SPINK5: variants seen among roughly 807,000 people sequenced by gnomAD.
SPINK5 encodes serine protease inhibitor Kazal-type 5.
SPINK5 carries 125 observed loss-of-function variants against 151.8 expected under a neutral mutation model. The observed-to-expected ratio is 0.82, with a 90% confidence interval of 0.71 to 0.96. The LOEUF (loss-of-function observed/expected upper bound fraction) is 0.96. Among genes scored for constraint, SPINK5 ranks in the 40% least tolerant of loss-of-function variants. SPINK5 has a pLI of 0.00. For synonymous variants in SPINK5, 374 were observed against 395.3 expected (o/e 0.95, Z 0.64); for missense variants, 1,194 against 1,291.9 (o/e 0.92, Z 1.16).
intron 30 of SPINK5, among the ~76,000 whole-genome samples, chr5:148,129,010 G>A (rs1283230224): frequency 6.6e-6 from 1 of 151,936 alleles, no homozygotes; most frequent in Admixed American, 6.6e-5. Flanking sequence ...GGAGGGGAGG[G>A]GATACAATTT....
intron 11 of SPINK5, among the ~76,000 whole-genome samples, chr5:148,098,496 T>C (rs1753536907): frequency 6.6e-6 from 1 of 152,130 alleles, no homozygotes; most frequent in Non-Finnish European, 1.5e-5. Flanking sequence ...TTTATTTGGC[T>C]GAGCTCAAAT....
At chr5:148,095,754 C>G in intron 9 of SPINK5, 64 bp from the exon 10 acceptor site, 1 of 1,379,630 alleles carries the variant, frequency 7.2e-7, no homozygotes, top group Non-Finnish European at 1.0e-6. Flanking sequence ...CCATCTATAC[C>G]TAATGACTGT....
chr5:148,119,498 T>C (rs576925514), intron 24 of SPINK5, among the ~76,000 whole-genome samples: 2 of 152,312 alleles, frequency 1.3e-5, no homozygotes, highest in African/African-American at 2.4e-5. Flanking sequence ...ATGGTCTGAT[T>C]GTGATAAAAC....
Position 148,107,180 on chromosome 5 carries a change from A to T in SPINK5, c.1607+16A>T. The T allele has an allele frequency of 6.2e-7, 1 of 1,609,654 alleles. No homozygotes were observed. The highest frequency in any genetic ancestry group is 8.5e-7 in the Non-Finnish European group (1 of 1,177,312). On this transcript the variant is annotated intron_variant, in intron 17 of 32. Coordinates refer to ENST00000256084, the MANE Select transcript of SPINK5 (RefSeq NM_006846.4). ...CCAGTGTGTTGTGAGTGTCCACCCC[A>T]TCTCTCCCACTGAATTTCTTCATCC...
At chr5:148,085,166 A>G (rs1015365008) in intron 4 of SPINK5, among the ~76,000 whole-genome samples, 1 of 151,748 alleles carries the variant, frequency 6.6e-6, no homozygotes, top group African/African-American at 2.4e-5. Flanking sequence ...TGAATAGTGG[A>G]GTATGTTCTT....
rs773543821 is a variant in SPINK5, at chr5:148,123,945, T to C, written c.2651T>C (p.Met884Thr). The C allele has an allele frequency of 1.2e-5, 20 of 1,613,944 alleles. No individual in the cohort carries two copies. The highest frequency in any genetic ancestry group is 1.1e-4 in the East Asian group (5 of 44,880). The stretch of plus-strand genomic sequence containing the variant: ...AAGATGCACATCAATAAATGTGCTA[T>C]GTGTCAGAGCATCTTGTACGTAAAA... Reference protein sequence around the residue: ...YGKMHINKCAMCQSIFDREAN... With the variant: ...YGKMHINKCATCQSIFDREAN... Residue 884 changes from methionine to threonine, a missense_variant, in exon 27 of 33, where the codon ATG becomes ACG. Met to Thr is a moderately conservative substitution (Grantham distance 81, BLOSUM62 -1). Coordinates refer to ENST00000256084, the MANE Select transcript of SPINK5 (RefSeq NM_006846.4).
Position 148,085,669 on chromosome 5 carries a change from G to T in SPINK5, c.283-736G>T, listed in dbSNP as rs540809875. ...TACATTTGTTTTTCTTTACCATCAG[G>T]TTTGTTCCTAAGTGTATGTCACATT... On this transcript the variant is annotated intron_variant, in intron 4 of 32. Coordinates refer to ENST00000256084, the MANE Select transcript of SPINK5 (RefSeq NM_006846.4). 7.9e-5 allele frequency among the ~76,000 whole-genome samples: 12 copies of T among 151,884 alleles called. No individual in the cohort carries two copies. The South Asian group carries it at 2.1e-3, about 26-fold the overall frequency.
chr5:148,065,925 A>C (rs1296568086), intron 2 of SPINK5, among the ~76,000 whole-genome samples: 2 of 152,212 alleles, frequency 1.3e-5, no homozygotes, highest in African/African-American at 2.4e-5. Context: ...GTAGGAAAAC[A>C]GACAAATTAA....
intron 5 of SPINK5, among the ~76,000 whole-genome samples, chr5:148,086,977 CAT>C (rs1753175821): frequency 1.3e-5 from 2 of 150,422 alleles, no homozygotes; most frequent in Admixed American, 1.3e-4. Context: ...TATTTACACA[CAT>C]ACATACATAT....
At chr5:148,076,453 T>C (rs1752883355) in intron 4 of SPINK5, among the ~76,000 whole-genome samples, 1 of 151,822 alleles carries the variant, frequency 6.6e-6, no homozygotes, top group African/African-American at 2.4e-5. Flanking sequence ...TGAGTACCTA[T>C]ATTATCTAAA....
intron 26 of SPINK5, among the ~76,000 whole-genome samples, chr5:148,121,289 G>T (rs1380398529): frequency 6.6e-6 from 1 of 151,136 alleles, no homozygotes; most frequent in Non-Finnish European, 1.5e-5. Flanking sequence ...ACACCAACAC[G>T]TAGAATATTA....
chr5:148,107,081 TA>T lies in SPINK5; in HGVS notation c.1525del (p.Ile509TyrfsTer66), dbSNP rs1753801674. ...FRDQVRNGTL[I>X]CTREHNPVRG... The stretch of plus-strand genomic sequence containing the variant: ...GGGACCAAGTGAGGAATGGAACACT[TA>T]TATGCACCAGGGAGCATAATCCTGT... On this transcript the variant is annotated frameshift_variant, in exon 17 of 33. Coordinates refer to ENST00000256084, the MANE Select transcript of SPINK5 (RefSeq NM_006846.4). LOFTEE classifies it high-confidence loss of function. 6.2e-7 allele frequency: 1 copy of T among 1,613,180 alleles called. No homozygotes were observed. Among genetic ancestry groups the T allele is most frequent in the Non-Finnish European group, 8.5e-7 (1 of 1,179,488 alleles).
At chr5:148,115,585 A>C (rs1754064489) in intron 21 of SPINK5, among the ~76,000 whole-genome samples, 1 of 152,104 alleles carries the variant, frequency 6.6e-6, no homozygotes, top group Non-Finnish European at 1.5e-5. Flanking sequence ...GATGCTGTGA[A>C]GGTGAAGTCA....
At chr5:148,078,526 C>T (rs1191340684) in intron 4 of SPINK5, among the ~76,000 whole-genome samples, 1 of 150,764 alleles carries the variant, frequency 6.6e-6, no homozygotes, top group Non-Finnish European at 1.5e-5. Context: ...TCAGGATACA[C>T]TATATACTAA....
chr5:148,068,682 G>T (rs1183676834), intron 2 of SPINK5, among the ~76,000 whole-genome samples: 1 of 151,670 alleles, frequency 6.6e-6, no homozygotes, highest in Non-Finnish European at 1.5e-5. Context: ...GGTTGTGTTT[G>T]TCAGAGTTGA....
intron 6 of SPINK5, chr5:148,089,119 G>C: frequency 2.2e-6 from 1 of 464,082 alleles, no homozygotes; most frequent in South Asian, 1.5e-5. Flanking sequence ...AATTTTCAAG[G>C]TCTGATGCCC....
At chr5:148,066,325 T>TAC (rs1244691484) in intron 2 of SPINK5, among the ~76,000 whole-genome samples, 1 of 152,172 alleles carries the variant, frequency 6.6e-6, no homozygotes, top group Non-Finnish European at 1.5e-5. Flanking sequence ...TATATTTATA[T>TAC]ACACACACAC....
chr5:148,116,322 C>G (rs562441738), intron 21 of SPINK5, 48 bp from the exon 22 acceptor site: 1 of 1,582,158 alleles, frequency 6.3e-7, no homozygotes, highest in East Asian at 2.2e-5. Flanking sequence ...AAATGCACAC[C>G]ACTCTCTGTA....
At chr5:148,125,166 C>T (rs1754399004) in intron 28 of SPINK5, among the ~76,000 whole-genome samples, 3 of 152,148 alleles carry the variant, frequency 2.0e-5, no homozygotes, top group Admixed American at 2.0e-4. Context: ...AAGTGTGAAA[C>T]AAGGCTTTGG....
Sources: allele counts gnomAD v4.1 joint callset (sites outside exome capture counted in the v4.1 genomes callset), GRCh38; gene constraint gnomAD v4.1.1; transcripts MANE v1.5; gene names NCBI Gene and HGNC (gene_info 2026-07-23, HGNC 2026-07-21).